Variants in FGF14 observed in about 807,000 individuals in gnomAD.
FGF14 encodes fibroblast growth factor 14, also known as fibroblast growth factor homologous factor 4.
In FGF14, 5 loss-of-function variants were observed where a neutral mutation model predicts 25.5. That is an observed-to-expected ratio of 0.20 (90% CI 0.10 to 0.41). The LOEUF is 0.41. Ranked by LOEUF, FGF14 falls within the 10% of genes least tolerant of loss-of-function variation. The pLI is 1.00. For synonymous variants in FGF14, 138 were observed against 118.3 expected, an observed-to-expected ratio of 1.17 and a Z score of -1.08; for missense variants, 222 against 320.1, an observed-to-expected ratio of 0.69 and a Z score of 2.34.
intron 1 of FGF14, among the ~76,000 whole-genome samples, chr13:102,089,173 T>C (rs745748346): frequency 1.9e-4 from 29 of 151,862 alleles, no homozygotes; most frequent in Non-Finnish European, 3.5e-4. Flanking sequence ...TTGCATTCAT[T>C]TGAGTCTAGC....
At chr13:101,967,055 C>T (rs1201292633) in intron 1 of FGF14, among the ~76,000 whole-genome samples, 1 of 152,064 alleles carries the variant, frequency 6.6e-6, no homozygotes, top group Non-Finnish European at 1.5e-5. Flanking sequence ...TTTTGTTCAG[C>T]TCTTTGAAAA....
chr13:102,188,972 GAA>G (rs1219773437), intron 1 of FGF14, among the ~76,000 whole-genome samples: 1 of 56,470 alleles, frequency 1.8e-5, no homozygotes, highest in Admixed American at 2.5e-4. Context: ...AAGAAAGAAA[GAA>G]AGAAAGAAAG....
At chr13:102,133,672 C>T (rs557388317) in intron 1 of FGF14, among the ~76,000 whole-genome samples, 32 of 152,210 alleles carry the variant, frequency 2.1e-4, no homozygotes, top group Admixed American at 1.5e-3. Context: ...AATTGTTAAC[C>T]GACAATTGGC....
In FGF14 at chr13:101,936,772, T is replaced by A. The variant is rs192106761; in HGVS notation, c.209-61476A>T. ...CCCATGGCGTATATTGTCAATAATA[T>A]GTGCTGAAAGAATAAATGAAGGACT... On this transcript the variant is annotated intron_variant, in intron 1 of 4. Coordinates refer to the FGF14 transcript ENST00000376131. Among the ~76,000 whole-genome samples the A allele has an allele frequency of 5.8e-4, 89 of 152,310 alleles. 1 individual carries two copies. Among genetic ancestry groups the A allele is most frequent in the Admixed American group, 3.9e-3 (60 of 15,292 alleles).
intron 3 of FGF14, among the ~76,000 whole-genome samples, chr13:101,852,531 C>CG (rs1395282200): frequency 2.0e-5 from 3 of 152,104 alleles, no homozygotes; most frequent in African/African-American, 7.2e-5. Flanking sequence ...GTGGGGCTGT[C>CG]TGCACAGTCA....
chr13:102,010,798 A>G (rs549186569), intron 1 of FGF14, among the ~76,000 whole-genome samples: 42 of 152,300 alleles, frequency 2.8e-4, no homozygotes, highest in African/African-American at 8.4e-4. Flanking sequence ...AAATGGCAGA[A>G]TGGTGAAAGA....
Position 101,815,727 on chromosome 13 carries a change from A to AC in FGF14, c.408+52997dup, listed in dbSNP as rs1163323666. On this transcript the variant is annotated intron_variant, in intron 3 of 4. Transcript: ENST00000376143. The stretch of plus-strand genomic sequence containing the variant: ...GGATGGTGTAGCCCATTGAGATAAT[A>AC]CCCCCCCACCCCATGTAGATTTCTC... 5.9e-5 allele frequency among the ~76,000 whole-genome samples: 9 copies of AC among 151,682 alleles called. No homozygotes were observed. In the East Asian group the frequency reaches 1.2e-3, roughly 20 times the overall value.
chr13:102,364,849 T>C (rs2057664397), intron 1 of FGF14, among the ~76,000 whole-genome samples: 1 of 152,128 alleles, frequency 6.6e-6, no homozygotes, highest in Non-Finnish European at 1.5e-5. Flanking sequence ...GGGAGAAATG[T>C]CCAAAAAACT....
At chr13:102,308,916 C>CAAAA (rs71125061) in intron 1 of FGF14, among the ~76,000 whole-genome samples, 44 of 61,988 alleles carry the variant, frequency 7.1e-4, no homozygotes, top group African/African-American at 1.9e-3. Context: ...GTTTCTTATA[C>CAAAA]AAAAAAAAAA....
intron 1 of FGF14, among the ~76,000 whole-genome samples, chr13:101,972,359 A>G (rs1427412621): frequency 6.6e-6 from 1 of 152,190 alleles, no homozygotes; most frequent in African/African-American, 2.4e-5. Flanking sequence ...TAAAATAAAT[A>G]CAAAGGTCTC....
At chr13:102,167,676 T>G (rs963554685) in intron 1 of FGF14, among the ~76,000 whole-genome samples, 2 of 152,136 alleles carry the variant, frequency 1.3e-5, no homozygotes, top group East Asian at 3.9e-4. Context: ...GTAATAACAC[T>G]GAACCTGTTG....
chr13:102,123,354 TAA>T (rs2045815568), intron 1 of FGF14, among the ~76,000 whole-genome samples: 1 of 152,134 alleles, frequency 6.6e-6, no homozygotes, highest in Admixed American at 6.6e-5. Flanking sequence ...AATCAATAAT[TAA>T]GTTAGAAAAT....
chr13:102,028,610 C>T (rs2041053770), intron 1 of FGF14, among the ~76,000 whole-genome samples: 2 of 152,062 alleles, frequency 1.3e-5, no homozygotes, highest in African/African-American at 4.8e-5. Flanking sequence ...TTATTAAGTG[C>T]TTCTAGGCAC....
intron 1 of FGF14, among the ~76,000 whole-genome samples, chr13:101,986,594 C>A (rs569793875): frequency 6.6e-6 from 1 of 152,156 alleles, no homozygotes; most frequent in African/African-American, 2.4e-5. Flanking sequence ...GTTTTTATTG[C>A]CAAATTTCTA....
At chr13:102,102,779 A>C (rs1415255649) in intron 1 of FGF14, among the ~76,000 whole-genome samples, 1 of 152,188 alleles carries the variant, frequency 6.6e-6, no homozygotes, top group Admixed American at 6.5e-5. Context: ...CATTTTGCAG[A>C]TAGGGTAACT....
At chr13:101,868,610 T>C (rs2044865389) in intron 3 of FGF14, 115 bp downstream of exon 3, 3 of 783,194 alleles carry the variant, frequency 3.8e-6, no homozygotes, top group Non-Finnish European at 7.0e-6. Context: ...AAAGATCAAA[T>C]ACTAAGGCAA....
chr13:102,191,469 C>A lies in FGF14; in HGVS notation c.208+210002G>T, dbSNP rs144150385. 1.2e-3 allele frequency among the ~76,000 whole-genome samples: 183 copies of A among 152,296 alleles called. 1 individual carries two copies. Among genetic ancestry groups the A allele is most frequent in the Admixed American group, 3.4e-3 (52 of 15,300 alleles). On this transcript the variant is annotated intron_variant, in intron 1 of 4. Transcript: ENST00000376131. ...CTTTGGTTAACATGCAGAGACAGAG[C>A]AACATCTCTGGTATCTCTTCTTTTA...
chr13:101,994,939 T>C (rs1361298276), intron 1 of FGF14, among the ~76,000 whole-genome samples: 1 of 152,106 alleles, frequency 6.6e-6, no homozygotes, highest in Non-Finnish European at 1.5e-5. Flanking sequence ...TATTACATTA[T>C]ACATTATATG....
chr13:102,258,002 C>A (rs893714554), intron 1 of FGF14, among the ~76,000 whole-genome samples: 7 of 152,152 alleles, frequency 4.6e-5, no homozygotes, highest in Non-Finnish European at 8.8e-5. Context: ...TTAATGGACT[C>A]ACAGTTCCAC....
Sources: allele counts gnomAD v4.1 joint callset (sites outside exome capture counted in the v4.1 genomes callset), GRCh38; gene constraint gnomAD v4.1.1; transcripts MANE v1.5; gene names NCBI Gene and HGNC (gene_info 2026-07-23, HGNC 2026-07-21).